DIABLO: variants seen among roughly 807,000 people sequenced by gnomAD.
DIABLO encodes diablo homolog, mitochondrial.
In DIABLO, 32 loss-of-function variants were observed where a neutral mutation model predicts 31.7. That is an observed-to-expected ratio of 1.01 (90% CI 0.76 to 1.35). DIABLO has a LOEUF of 1.35. Among genes scored for constraint, DIABLO ranks in the 40% most tolerant of loss-of-function variants. The pLI, the probability that DIABLO is intolerant of heterozygous loss-of-function variation, is 0.00. For synonymous variants in DIABLO, 132 were observed against 103.2 expected (o/e 1.28, Z -1.69); for missense variants, 316 against 286.4 (o/e 1.10, Z -0.75).
At chr12:122,226,572 C>T, upstream of DIABLO, 3 of 697,414 alleles carry the variant, frequency 4.3e-6, no homozygotes, top group Non-Finnish European at 7.8e-6. Flanking sequence ...CATCGCGCTG[C>T]GCGGGAGCCC....
chr12:122,215,883 G>GAAAA (rs60645708), intron 5 of DIABLO, among the ~76,000 whole-genome samples: 5 of 94,238 alleles, frequency 5.3e-5, no homozygotes, highest in African/African-American at 7.2e-5. Flanking sequence ...TTTTATGAAG[G>GAAAA]AAAAAAAAAA....
upstream of DIABLO, chr12:122,227,251 C>T (rs1954497024): frequency 5.1e-6 from 2 of 395,374 alleles, no homozygotes; most frequent in African/African-American, 2.1e-5. Context: ...AACCCCACAC[C>T]AGCTCATCAG....
intron 1 of DIABLO, 78 bp downstream of exon 1, chr12:122,225,887 G>A: frequency 6.5e-7 from 1 of 1,544,698 alleles, no homozygotes; most frequent in Non-Finnish European, 8.7e-7. Context: ...GAAGGCGGGC[G>A]CCGTGGGCCG....
intron 5 of DIABLO, among the ~76,000 whole-genome samples, chr12:122,214,369 A>G (rs1393754704): frequency 6.6e-6 from 1 of 152,028 alleles, no homozygotes; most frequent in African/African-American, 2.4e-5. Context: ...TTAAGATTTG[A>G]TGATTGAGAA....
Position 122,219,700 on chromosome 12 carries a change from C to CA in DIABLO, c.184-1304dup, listed in dbSNP as rs1214970277. Among the ~76,000 whole-genome samples, 1,226 of 136,098 alleles carry CA rather than the reference C, an allele frequency of 9.0e-3. 17 individuals carry two copies. The highest frequency in any genetic ancestry group is 0.045 in the East Asian group (211 of 4,662). The allele number at this position is 136,098 out of a possible 152,430, so 89.3% of individuals were successfully genotyped here. A position where few individuals can be genotyped will look rare whatever the true frequency, so the allele number is the denominator to read the frequency against. Reference sequence around the variant, plus strand: ...CGAAACCCCAACTCTACTAAAAATACAAAAAAAAAAAAATTAGCTGGGCAT... The same window carrying CA: ...CGAAACCCCAACTCTACTAAAAATACAAAAAAAAAAAAAATTAGCTGGGCAT... On this transcript the variant is annotated intron_variant, in intron 2 of 5. Transcript: ENST00000464942.
chr12:122,225,446 T>A (rs1170298012), intron 1 of DIABLO: 1 of 1,002,508 alleles, frequency 1.0e-6, no homozygotes, highest in Non-Finnish European at 1.2e-6. Context: ...GATGCCACAA[T>A]AACCGCTCCT....
chr12:122,225,283 G>C, intron 1 of DIABLO: 1 of 519,776 alleles, frequency 1.9e-6, no homozygotes, highest in Non-Finnish European at 2.5e-6. Flanking sequence ...AGCTACTCGG[G>C]AGGCTGAGGC....
intron 5 of DIABLO, among the ~76,000 whole-genome samples, chr12:122,210,590 A>G (rs1271086907): frequency 6.6e-6 from 1 of 151,874 alleles, no homozygotes; most frequent in Non-Finnish European, 1.5e-5. Flanking sequence ...CACGTTAGCC[A>G]GGATGGTCTT....
upstream of DIABLO, chr12:122,226,370 C>A: frequency 7.3e-6 from 1 of 136,208 alleles, no homozygotes. Flanking sequence ...GTTAGGGAGG[C>A]GGGGCCGGGC....
intron 5 of DIABLO, among the ~76,000 whole-genome samples, chr12:122,213,178 T>G (rs1157788271): frequency 6.6e-6 from 1 of 152,158 alleles, no homozygotes; most frequent in South Asian, 2.1e-4. Flanking sequence ...CATCCCGAAG[T>G]GCTGGGATTA....
intron 1 of DIABLO, chr12:122,225,312 G>C (rs1566030129): frequency 1.3e-6 from 1 of 766,516 alleles, no homozygotes; most frequent in Non-Finnish European, 1.6e-6. Context: ...GCTTGAAGCC[G>C]GGAGGCACAG....
At chr12:122,221,028 C>A (rs1954324146) in intron 2 of DIABLO, 1 of 152,200 alleles carries the variant, frequency 6.6e-6, no homozygotes, top group Non-Finnish European at 1.5e-5. Context: ...AGTTATGTAA[C>A]TTTTCCAAAA....
At chr12:122,218,584 C>T (rs1215787040) in intron 2 of DIABLO, 187 bp from the exon 3 acceptor site, 7 of 655,430 alleles carry the variant, frequency 1.1e-5, no homozygotes, top group Non-Finnish European at 1.8e-5. Flanking sequence ...AGAAATAATT[C>T]CGGAGTATGC....
chr12:122,208,916 A>G (rs1593165805), intron 5 of DIABLO: 2 of 387,676 alleles, frequency 5.2e-6, no homozygotes, highest in East Asian at 1.3e-4. Flanking sequence ...CTTTTTGACA[A>G]AGAGATCATG....
intron 5 of DIABLO, 55 bp from the exon 6 acceptor site, chr12:122,208,632 A>C: frequency 6.3e-7 from 1 of 1,577,834 alleles, no homozygotes; most frequent in South Asian, 1.1e-5. Flanking sequence ...CGGAAGGCTC[A>C]TGTGGACGTT....
At chr12:122,209,667 C>CCAAAA in intron 5 of DIABLO, 1 of 529,162 alleles carries the variant, frequency 1.9e-6, no homozygotes, top group South Asian at 2.0e-5. Flanking sequence ...GTCTCCCCCC[C>CCAAAA]AAAAAAAAAA....
At chr12:122,223,996 C>T (rs985664894) in intron 2 of DIABLO, among the ~76,000 whole-genome samples, 7 of 152,120 alleles carry the variant, frequency 4.6e-5, no homozygotes, top group African/African-American at 1.7e-4. Flanking sequence ...GACAGAGTCT[C>T]CCTATGTTGA....
At chr12:122,219,894 C>T (rs1954297544) in intron 2 of DIABLO, among the ~76,000 whole-genome samples, 1 of 149,434 alleles carries the variant, frequency 6.7e-6, no homozygotes, top group Admixed American at 6.7e-5. Context: ...TGGGGGAGGG[C>T]AATTCTGAGC....
intron 5 of DIABLO, among the ~76,000 whole-genome samples, chr12:122,211,215 C>T (rs1954082017): frequency 6.8e-6 from 1 of 148,052 alleles, no homozygotes; most frequent in Admixed American, 6.9e-5. Context: ...GCCTGGGCAA[C>T]ATGGTGAAAC....
Sources: allele counts gnomAD v4.1 joint callset (sites outside exome capture counted in the v4.1 genomes callset), GRCh38; gene constraint gnomAD v4.1.1; transcripts MANE v1.5; gene names NCBI Gene and HGNC (gene_info 2026-07-23, HGNC 2026-07-21).